Variants in NDRG4 observed in about 807,000 individuals in gnomAD.
The protein encoded by NDRG4 is NDRG family member 4, also known as protein NDRG4.
A neutral mutation model predicts 55.8 loss-of-function variants in NDRG4; 38 were observed. The observed-to-expected ratio is 0.68, with a 90% confidence interval of 0.53 to 0.89. The LOEUF is 0.89. Among genes scored for constraint, NDRG4 ranks in the 40% least tolerant of loss-of-function variants. The pLI is 0.00. For missense variants in NDRG4, 455 were observed against 468.6 expected (o/e 0.97, Z 0.27); for synonymous variants, 190 against 182.7 (o/e 1.04, Z -0.32).
upstream of NDRG4, among the ~76,000 whole-genome samples, chr16:58,498,605 C>A (rs192055719): frequency 1.9e-3 from 288 of 152,324 alleles, 1 homozygote; most frequent in African/African-American, 6.5e-3. Context: ...TGCCCACCTC[C>A]TGTAGACCCA....
intron 2 of NDRG4, among the ~76,000 whole-genome samples, chr16:58,493,523 C>T (rs140832101): frequency 0.011 from 1,718 of 152,358 alleles, 29 homozygotes; most frequent in African/African-American, 0.039. Context: ...CCCGCCTCAG[C>T]TTCCCAAAGT....
intron 1 of NDRG4, among the ~76,000 whole-genome samples, chr16:58,476,805 T>C (rs2033710144): frequency 6.6e-6 from 1 of 152,226 alleles, no homozygotes; most frequent in African/African-American, 2.4e-5. Flanking sequence ...ATTTCAATTA[T>C]ATTTTCCTTT....
chr16:58,476,149 C>T lies in NDRG4; in HGVS notation c.-23-11607C>T, dbSNP rs143364537. Among the ~76,000 whole-genome samples, 107 of 152,348 alleles carry T rather than the reference C, an allele frequency of 7.0e-4. 1 individual carries two copies. Among genetic ancestry groups the T allele is most frequent in the Middle Eastern group, 3.4e-3 (1 of 294 alleles). ...GAAAGTAACATGCTTCCATTTACCT[C>T]GCACTGGCAGAACATCACGTCATCA... On this transcript the variant is annotated intron_variant, in intron 1 of 15. Coordinates refer to the NDRG4 transcript ENST00000258187.
intron 2 of NDRG4, among the ~76,000 whole-genome samples, chr16:58,493,046 C>T (rs2035984669): frequency 1.3e-5 from 2 of 152,192 alleles, no homozygotes; most frequent in South Asian, 4.1e-4. Context: ...ACCCCTAGTG[C>T]CCTCTGATTT....
At chr16:58,495,711 C>T (rs4356470), upstream of NDRG4, among the ~76,000 whole-genome samples, 59,714 of 152,122 alleles carry the variant, frequency 0.39, 12,517 homozygotes, top group East Asian at 0.65. Context: ...GTGGGAGCAA[C>T]GCGAGGATCA....
intron 5 of NDRG4, among the ~76,000 whole-genome samples, chr16:58,505,713 C>CTTTTTTTTTTTTTT (rs1028370131): frequency 1.5e-4 from 9 of 58,660 alleles, no homozygotes; most frequent in African/African-American, 6.9e-4. Context: ...GCTTCATTTT[C>CTTTTTTTTTTTTTT]TTTTTTTTTT....
At chr16:58,473,728 G>A (rs945063857) in intron 1 of NDRG4, among the ~76,000 whole-genome samples, 3 of 151,990 alleles carry the variant, frequency 2.0e-5, no homozygotes, top group Non-Finnish European at 4.4e-5. Context: ...CTGCACTCCC[G>A]CTGTGTGGCA....
intron 13 of NDRG4, 88 bp downstream of exon 13, chr16:58,509,440 A>C (rs2151843292): frequency 2.1e-6 from 3 of 1,416,356 alleles, no homozygotes; most frequent in Non-Finnish European, 2.0e-6. Flanking sequence ...CAGGGCTGGC[A>C]CGTGGTGTCA....
At chr16:58,475,796 T>C (rs1274847168) in intron 1 of NDRG4, 3 of 379,080 alleles carry the variant, frequency 7.9e-6, no homozygotes, top group Non-Finnish European at 1.6e-5. Context: ...AAGAATGGCA[T>C]GTCTCCCCTT....
chr16:58,468,772 G>T (rs766006393), intron 1 of NDRG4, among the ~76,000 whole-genome samples: 3 of 152,130 alleles, frequency 2.0e-5, no homozygotes, highest in Non-Finnish European at 4.4e-5. Flanking sequence ...CCAAGACACC[G>T]TCACACCTGC....
chr16:58,491,547 G>A (rs565751263), intron 2 of NDRG4, among the ~76,000 whole-genome samples: 1 of 150,560 alleles, frequency 6.6e-6, no homozygotes, highest in African/African-American at 2.4e-5. Context: ...CACAACCTCC[G>A]CCTCCCCAAT....
intron 10 of NDRG4, 99 bp from the exon 11 acceptor site, chr16:58,508,863 C>T: frequency 3.7e-6 from 5 of 1,350,690 alleles, no homozygotes; most frequent in South Asian, 1.3e-5. Flanking sequence ...TGCCTCCCTG[C>T]ACCCCCTCTC....
At chr16:58,492,258 C>T (rs1156471761) in intron 2 of NDRG4, among the ~76,000 whole-genome samples, 6 of 152,156 alleles carry the variant, frequency 3.9e-5, no homozygotes, top group African/African-American at 1.4e-4. Context: ...CCTATGTCCC[C>T]ATCCTGCCTC....
At chr16:58,494,958 C>T (rs777075975) in intron 2 of NDRG4, 2 of 1,613,658 alleles carry the variant, frequency 1.2e-6, no homozygotes, top group Non-Finnish European at 1.7e-6. Flanking sequence ...GTTTGCCTTC[C>T]CCTAGGAGAG....
upstream of NDRG4, among the ~76,000 whole-genome samples, chr16:58,497,169 A>G (rs1231732535): frequency 6.6e-6 from 1 of 152,094 alleles, no homozygotes; most frequent in Admixed American, 6.5e-5. Flanking sequence ...TAAAAATACA[A>G]TAATTAGCCA....
chr16:58,494,869 G>T, intron 2 of NDRG4: 1 of 948,386 alleles, frequency 1.1e-6, no homozygotes, highest in Non-Finnish European at 1.7e-6. Context: ...AGAAAAGACA[G>T]ACTAGGGGAC....
At chr16:58,503,640 C>G (rs1017235732) in intron 1 of NDRG4, 158 bp from the exon 2 acceptor site, 26 of 1,425,210 alleles carry the variant, frequency 1.8e-5, no homozygotes, top group Non-Finnish European at 2.5e-5. Context: ...TCCATCCATT[C>G]AGTCCTCTCT....
rs2151860328 is a variant in NDRG4 at position 58,511,940 on chromosome 16, TGGGTGCTGGGCCACAG to T, written c.*371_*386del. The T allele has an allele frequency of 2.2e-6, 1 of 451,010 alleles. No individual in the cohort carries two copies. Among genetic ancestry groups the T allele is most frequent in the African/African-American group, 2.0e-5 (1 of 50,290 alleles). The allele number at this position is 451,010 out of a possible 1,614,324, so 27.9% of individuals were successfully genotyped here. A position where few individuals can be genotyped will look rare whatever the true frequency, so the allele number is the denominator to read the frequency against. On this transcript the variant is annotated 3_prime_UTR_variant, in exon 15 of 15. Coordinates refer to ENST00000570248, the MANE Select transcript of NDRG4 (RefSeq NM_001242835.2). ...GGAGATGAGAGAGGCTTCGAGAGGG[TGGGTGCTGGGCCACAG>T]GGGTGCGGGGCCAGCTCAGGCACTG...
intron 1 of NDRG4, among the ~76,000 whole-genome samples, chr16:58,483,796 G>T (rs2034752851): frequency 2.0e-5 from 3 of 152,272 alleles, no homozygotes; most frequent in Admixed American, 2.0e-4. Context: ...TGGGCATGGT[G>T]GCTTACGCCA....
Sources: gnomAD v4.1 joint callset for allele counts (sites outside exome capture counted in the v4.1 genomes callset) on GRCh38, gnomAD v4.1.1 for gene constraint, MANE v1.5 for transcripts, NCBI Gene and HGNC (gene_info 2026-07-23, HGNC 2026-07-21) for gene names.